The following PTPRD variants were observed in gnomAD, a reference collection of about 807,000 sequenced individuals.
PTPRD encodes receptor-type tyrosine-protein phosphatase delta.
In PTPRD, 34 loss-of-function variants were observed where a neutral mutation model predicts 214.5. The observed-to-expected ratio is 0.16, with a 90% CI of 0.12 to 0.21. The LOEUF (loss-of-function observed/expected upper bound fraction) is 0.21, where lower values mean the gene tolerates loss of function less well. PTPRD is among the 10% of genes least tolerant of loss of function. PTPRD has a pLI of 1.00. For missense variants in PTPRD, 2,545 were observed against 2,398.7 expected, an observed-to-expected ratio of 1.06 and a Z score of -1.27; for synonymous variants, 1,128 against 845.7, an observed-to-expected ratio of 1.33 and a Z score of -5.79.
chr9:9,129,557 G>T (rs376137035), intron 10 of PTPRD, among the ~76,000 whole-genome samples: 83 of 152,098 alleles, frequency 5.5e-4, no homozygotes, highest in African/African-American at 2.0e-3. Flanking sequence ...CTGATACATC[G>T]TTCAATTAAT....
intron 12 of PTPRD, among the ~76,000 whole-genome samples, chr9:8,668,404 C>T (rs1451029907): frequency 1.3e-5 from 2 of 152,162 alleles, no homozygotes; most frequent in African/African-American, 4.8e-5. Context: ...CAGATAGATA[C>T]ATGGAGACAC....
At chr9:9,254,178 G>GA (rs2099976705) in intron 9 of PTPRD, among the ~76,000 whole-genome samples, 1 of 152,000 alleles carries the variant, frequency 6.6e-6, no homozygotes, top group Admixed American at 6.6e-5. Context: ...CAGGGATTAG[G>GA]ATGTGAGCAC....
intron 3 of PTPRD, among the ~76,000 whole-genome samples, chr9:10,113,152 G>C (rs367710332): frequency 2.0e-5 from 3 of 152,084 alleles, no homozygotes; most frequent in African/African-American, 4.8e-5. Context: ...TAAAAATCAT[G>C]GGCTCATTAC....
chr9:9,945,277 G>T (rs955318047), intron 4 of PTPRD, among the ~76,000 whole-genome samples: 1 of 151,968 alleles, frequency 6.6e-6, no homozygotes, highest in African/African-American at 2.4e-5. Context: ...GAGAAAATAT[G>T]CCTGGAAGCA....
At chr9:9,303,120 G>T (rs754119169) in intron 9 of PTPRD, among the ~76,000 whole-genome samples, 1 of 151,912 alleles carries the variant, frequency 6.6e-6, no homozygotes, top group Non-Finnish European at 1.5e-5. Flanking sequence ...ATCAATGAGG[G>T]AGATAATTTG....
chr9:10,259,226 G>A (rs2093522832), intron 3 of PTPRD, among the ~76,000 whole-genome samples: 2 of 151,768 alleles, frequency 1.3e-5, no homozygotes, highest in South Asian at 2.1e-4. Context: ...GGGTTTCACC[G>A]TGTTAGTCAG....
At chr9:8,822,831 C>A (rs1256954221) in intron 11 of PTPRD, among the ~76,000 whole-genome samples, 1 of 152,010 alleles carries the variant, frequency 6.6e-6, no homozygotes, top group Non-Finnish European at 1.5e-5. Flanking sequence ...CCCAAAACCA[C>A]CAGTGCTGCA....
chr9:8,520,630 A>T (rs961176076), intron 20 of PTPRD, among the ~76,000 whole-genome samples: 2 of 152,180 alleles, frequency 1.3e-5, no homozygotes, highest in African/African-American at 2.4e-5. Flanking sequence ...GTACCCTTAC[A>T]TGCTTGTACT....
At chr9:9,881,777 C>A (rs774285262) in intron 5 of PTPRD, among the ~76,000 whole-genome samples, 1 of 152,124 alleles carries the variant, frequency 6.6e-6, no homozygotes, top group African/African-American at 2.4e-5. Flanking sequence ...ATATCATTTG[C>A]TTTAGCCAAT....
At chr9:8,729,137 T>C (rs2098626424) in intron 12 of PTPRD, among the ~76,000 whole-genome samples, 1 of 152,218 alleles carries the variant, frequency 6.6e-6, no homozygotes, top group Non-Finnish European at 1.5e-5. Flanking sequence ...AGTTCCTTCC[T>C]GTGAGCTGCT....
chr9:9,049,477 G>A (rs774705991), intron 10 of PTPRD, among the ~76,000 whole-genome samples: 1 of 152,104 alleles, frequency 6.6e-6, no homozygotes, highest in African/African-American at 2.4e-5. Flanking sequence ...TTGCCATTTC[G>A]CTAGATTTAA....
chr9:10,567,943 TTTTA>T (rs1024939064), intron 2 of PTPRD, among the ~76,000 whole-genome samples: 2 of 150,434 alleles, frequency 1.3e-5, no homozygotes, highest in Non-Finnish European at 3.0e-5. Flanking sequence ...TTATTTTTTA[TTTTA>T]TTTATTTGTT....
At chr9:9,950,550 C>A (rs1289974130) in intron 4 of PTPRD, among the ~76,000 whole-genome samples, 1 of 50,250 alleles carries the variant, frequency 2.0e-5, no homozygotes, top group Non-Finnish European at 3.0e-5. Context: ...CGGTGAAACC[C>A]CGTCTCTACT....
chr9:10,612,236 T>A (rs1012114053), intron 2 of PTPRD, among the ~76,000 whole-genome samples, 162 bp downstream of exon 2: 12 of 144,924 alleles, frequency 8.3e-5, no homozygotes, highest in African/African-American at 2.8e-4. Context: ...AAAAAAATGC[T>A]TAGCGAACCA....
intron 11 of PTPRD, among the ~76,000 whole-genome samples, chr9:8,760,817 C>T (rs1055068057): frequency 6.6e-5 from 10 of 152,036 alleles, no homozygotes; most frequent in African/African-American, 2.2e-4. Flanking sequence ...GGTTTTATCT[C>T]GTACAAGTAA....
rs182186398 is a variant in PTPRD at position 8,755,349 on chromosome 9, G to A, written c.-103-21403C>T. On this transcript the variant is annotated intron_variant, in intron 11 of 45. Transcript: ENST00000381196. Reference sequence around the variant, plus strand: ...GTTCGAGGCCAGCCTGGCCAACATGGTGAAACCCTGTCTCTACTAAAAATA... The same window carrying A: ...GTTCGAGGCCAGCCTGGCCAACATGATGAAACCCTGTCTCTACTAAAAATA... Among the ~76,000 whole-genome samples, 68 of 152,088 alleles carry A rather than the reference G, an allele frequency of 4.5e-4. No homozygotes were observed. In the East Asian group the frequency reaches 0.01, roughly 23 times the overall value.
intron 3 of PTPRD, among the ~76,000 whole-genome samples, chr9:10,071,355 C>T (rs1374058481): frequency 6.6e-6 from 1 of 152,032 alleles, no homozygotes; most frequent in Non-Finnish European, 1.5e-5. Context: ...ATATGACTCA[C>T]TCTACTTGAT....
chr9:9,102,336 C>T (rs532344746), intron 10 of PTPRD, among the ~76,000 whole-genome samples: 3 of 152,302 alleles, frequency 2.0e-5, no homozygotes, highest in South Asian at 4.1e-4. Context: ...TGGCCACCAA[C>T]AGGTAGTGCC....
At chr9:9,534,523 A>G (rs1256238885) in intron 8 of PTPRD, among the ~76,000 whole-genome samples, 1 of 152,102 alleles carries the variant, frequency 6.6e-6, no homozygotes, top group Non-Finnish European at 1.5e-5. Flanking sequence ...GACATAATAC[A>G]TAAATTTTTT....
Sources: gnomAD v4.1 joint callset for allele counts (sites outside exome capture counted in the v4.1 genomes callset) on GRCh38, gnomAD v4.1.1 for gene constraint, MANE v1.5 for transcripts, NCBI Gene and HGNC (gene_info 2026-07-23, HGNC 2026-07-21) for gene names.